Variants in RNF216 observed in about 807,000 individuals in gnomAD.
RNF216 encodes the protein ring finger protein 216.
A neutral mutation model predicts 110.8 loss-of-function variants in RNF216; 72 were observed. The ratio of observed to expected loss-of-function variants is 0.65; its 90% CI spans 0.54 to 0.79. The LOEUF (loss-of-function observed/expected upper bound fraction) is 0.79, where lower values mean the gene tolerates loss of function less well. RNF216 is among the 30% of genes least tolerant of loss of function. The pLI, the probability that RNF216 is intolerant of heterozygous loss-of-function variation, is 0.00. For missense variants in RNF216, 1,342 were observed against 1,141.2 expected, an observed-to-expected ratio of 1.18 and a Z score of -2.54; for synonymous variants, 495 against 407.5, an observed-to-expected ratio of 1.21 and a Z score of -2.59.
intron 13 of RNF216, among the ~76,000 whole-genome samples, chr7:5,657,603 T>C (rs1277376963): frequency 6.6e-6 from 1 of 151,844 alleles, no homozygotes. Context: ...GGTGAGACTA[T>C]AAATCTCCAG....
intron 13 of RNF216, among the ~76,000 whole-genome samples, chr7:5,699,044 T>A (rs997497965): frequency 1.3e-5 from 2 of 152,124 alleles, no homozygotes; most frequent in Admixed American, 6.5e-5. Flanking sequence ...TTGTTTTTTT[T>A]AAAACTAACT....
At chr7:5,639,004 T>C (rs1787571009) in intron 15 of RNF216, among the ~76,000 whole-genome samples, 3 of 152,150 alleles carry the variant, frequency 2.0e-5, no homozygotes, top group Admixed American at 2.0e-4. Flanking sequence ...GAATAGACCA[T>C]AGGGAGACTC....
intron 13 of RNF216, among the ~76,000 whole-genome samples, chr7:5,702,865 T>C (rs1019752435): frequency 6.6e-6 from 1 of 152,234 alleles, no homozygotes; most frequent in Non-Finnish European, 1.5e-5. Context: ...ACAGGGATGG[T>C]GTCTGCGACC....
chr7:5,763,043 AG>A (rs1796015541), intron 1 of RNF216, among the ~76,000 whole-genome samples: 1 of 152,216 alleles, frequency 6.6e-6, no homozygotes, highest in Non-Finnish European at 1.5e-5. Context: ...CCAAAGCAGC[AG>A]AACTACTGAA....
rs79396662 is a variant in RNF216 at position 5,713,622 on chromosome 7, A to G, written c.1834-759T>C. ...ACTGGCTCCTATGCACCTAGAGTCA[A>G]ACTCACTGGTCTATAAGCCCCACTA... On this transcript the variant is annotated intron_variant, in intron 11 of 16. Transcript: ENST00000389902. Among the ~76,000 whole-genome samples the G allele has an allele frequency of 7.9e-5, 12 of 152,346 alleles. No individual in the cohort carries two copies. The East Asian group carries it at 2.1e-3, about 27-fold the overall frequency.
intron 13 of RNF216, among the ~76,000 whole-genome samples, chr7:5,702,506 T>C (rs1049054436): frequency 6.6e-6 from 1 of 152,210 alleles, no homozygotes. Flanking sequence ...AGCATGGTAT[T>C]TGACTCTTAA....
chr7:5,776,510 G>A (rs1796783122), intron 1 of RNF216, among the ~76,000 whole-genome samples: 1 of 150,640 alleles, frequency 6.6e-6, no homozygotes, highest in Non-Finnish European at 1.5e-5. Context: ...CAGGAGAATG[G>A]CGAGAACCCG....
At chr7:5,779,780 G>C (rs972438833) in intron 1 of RNF216, among the ~76,000 whole-genome samples, 2 of 140,924 alleles carry the variant, frequency 1.4e-5, no homozygotes, top group African/African-American at 2.7e-5. Context: ...AGTGGGCAGA[G>C]ATGGCACCAC....
At chr7:5,649,100 G>A (rs530836562) in intron 14 of RNF216, among the ~76,000 whole-genome samples, 12 of 152,276 alleles carry the variant, frequency 7.9e-5, no homozygotes, top group South Asian at 4.1e-4. Context: ...AGTGACGGCC[G>A]GGCGGGCGCG....
chr7:5,762,575 C>A (rs1165425328), intron 1 of RNF216, among the ~76,000 whole-genome samples: 1 of 151,416 alleles, frequency 6.6e-6, no homozygotes, highest in African/African-American at 2.4e-5. Flanking sequence ...ACCTGATATC[C>A]CAGCTAGTCA....
chr7:5,776,899 CAAA>C (rs754872404), intron 1 of RNF216, among the ~76,000 whole-genome samples: 2 of 83,588 alleles, frequency 2.4e-5, no homozygotes, highest in Admixed American at 3.0e-4. Context: ...AGACTCTGTC[CAAA>C]AAAAAAAAAA....
intron 15 of RNF216, among the ~76,000 whole-genome samples, chr7:5,640,178 G>T (rs977749052): frequency 6.6e-6 from 1 of 151,884 alleles, no homozygotes; most frequent in African/African-American, 2.4e-5. Flanking sequence ...CATCACAGGC[G>T]TGAGCTACTG....
chr7:5,626,884 G>C (rs1421315162), intron 15 of RNF216, among the ~76,000 whole-genome samples: 1 of 152,266 alleles, frequency 6.6e-6, no homozygotes, highest in South Asian at 2.1e-4. Context: ...TAGGACACAG[G>C]AACACTGAAA....
intron 2 of RNF216, among the ~76,000 whole-genome samples, chr7:5,758,931 T>C (rs1392197371): frequency 6.6e-6 from 1 of 152,144 alleles, no homozygotes; most frequent in Non-Finnish European, 1.5e-5. Context: ...GGTGGAATAG[T>C]ATGGTTTGGA....
At chr7:5,752,381 T>G (rs1399922656) in intron 3 of RNF216, among the ~76,000 whole-genome samples, 1 of 152,058 alleles carries the variant, frequency 6.6e-6, no homozygotes, top group Non-Finnish European at 1.5e-5. Context: ...TTAGAAAGAG[T>G]AGTATCATAA....
At chr7:5,777,963 A>G (rs1196258110) in intron 1 of RNF216, among the ~76,000 whole-genome samples, 1 of 152,188 alleles carries the variant, frequency 6.6e-6, no homozygotes, top group African/African-American at 2.4e-5. Context: ...TGGAGGGTAA[A>G]ATCAACGTTT....
At position 5,620,981 on chromosome 7, in the gene RNF216, C is replaced by A. The variant is rs1343667683; in HGVS notation, c.*1879G>T. ...TCCTGTTGCTGCCGCATGGAGCCTG[C>A]CTTTCCAAGGCACTGTCGTTCAGGC... is the stretch of plus-strand genomic sequence containing the variant. On this transcript the variant is annotated 3_prime_UTR_variant, in exon 17 of 17. Transcript: ENST00000389902. 6.6e-6 allele frequency: 1 copy of A among 152,202 alleles called. No individual in the cohort carries two copies. Among genetic ancestry groups the A allele is most frequent in the Non-Finnish European group, 1.5e-5 (1 of 68,030 alleles). 9.4% of individuals were successfully genotyped at this position (152,202 alleles called of 1,614,324 possible). A position where few individuals can be genotyped will look rare whatever the true frequency, so the allele number is the denominator to read the frequency against.
chr7:5,684,916 G>C (rs1790882458), intron 13 of RNF216, among the ~76,000 whole-genome samples: 1 of 151,940 alleles, frequency 6.6e-6, no homozygotes, highest in Non-Finnish European at 1.5e-5. Flanking sequence ...GCTGGGGGTG[G>C]GGTGGGGTGT....
intron 13 of RNF216, among the ~76,000 whole-genome samples, chr7:5,666,090 T>C (rs1017826890): frequency 6.9e-6 from 1 of 145,782 alleles, no homozygotes; most frequent in African/African-American, 2.6e-5. Flanking sequence ...GGCGTGAACC[T>C]GGGAGGCAGA....
Sources: gnomAD v4.1 joint callset for allele counts (sites outside exome capture counted in the v4.1 genomes callset) on GRCh38, gnomAD v4.1.1 for gene constraint, MANE v1.5 for transcripts, NCBI Gene and HGNC (gene_info 2026-07-23, HGNC 2026-07-21) for gene names.